Variants in HEG1 observed in about 807,000 individuals in gnomAD.
HEG1 encodes the protein heart development protein with EGF like domains 1, also known as protein HEG homolog 1.
Under a neutral mutation model 125.6 loss-of-function variants are expected in HEG1, and 56 were observed. That is an observed-to-expected ratio of 0.45 (90% confidence interval 0.36 to 0.56). The LOEUF (loss-of-function observed/expected upper bound fraction) is 0.56, where lower values mean the gene tolerates loss of function less well. HEG1 is among the 20% of genes least tolerant of loss of function. The pLI, the probability that HEG1 is intolerant of heterozygous loss-of-function variation, is 0.00. For missense variants in HEG1, 1,523 were observed against 1,670.0 expected (o/e 0.91, Z 1.53); for synonymous variants, 644 against 668.5 (o/e 0.96, Z 0.57).
At chr3:124,992,775 T>C (rs1250107733) in intron 12 of HEG1, among the ~76,000 whole-genome samples, 1 of 152,250 alleles carries the variant, frequency 6.6e-6, no homozygotes, top group Non-Finnish European at 1.5e-5. Flanking sequence ...CACTAGAGTG[T>C]TGTGGAATAC....
Position 125,013,401 on chromosome 3 carries a change from A to G in HEG1, c.2178T>C (p.Ser726=). The part of the protein sequence containing the change: ...PSPLPVSLTT[S]TSAPLSVSQT... ...GTGAGACAGAAAGTGGGGCAGATGTAGATGTCGTTAAGGATACTGGTAAAG... is the reference window on the plus strand; with the variant it reads ...GTGAGACAGAAAGTGGGGCAGATGTGGATGTCGTTAAGGATACTGGTAAAG... Residue 726 remains serine (S), a synonymous_variant, in exon 6 of 17, where the codon TCT becomes TCC. Transcript: ENST00000311127. 6.2e-7 allele frequency: 1 copy of G among 1,614,000 alleles called. No homozygotes were observed.
At chr3:125,010,875 T>C (rs1937148543) in intron 6 of HEG1, among the ~76,000 whole-genome samples, 1 of 152,210 alleles carries the variant, frequency 6.6e-6, no homozygotes, top group Non-Finnish European at 1.5e-5. Context: ...AAGAAAATTC[T>C]ACTTGAATCA....
chr3:124,977,212 C>A (rs6778037), intron 15 of HEG1, among the ~76,000 whole-genome samples: 3 of 152,124 alleles, frequency 2.0e-5, no homozygotes, highest in South Asian at 2.1e-4. Context: ...GCTTCCCCAG[C>A]CACTTGGAAC....
chr3:124,990,242 T>C (rs1417685527), intron 14 of HEG1, among the ~76,000 whole-genome samples: 1 of 152,138 alleles, frequency 6.6e-6, no homozygotes, highest in Non-Finnish European at 1.5e-5. Flanking sequence ...CAGGGGTATT[T>C]AGGAGTGAGT....
chr3:125,027,177 A>C, intron 3 of HEG1, 28 bp downstream of exon 3: 1 of 1,537,266 alleles, frequency 6.5e-7, no homozygotes, highest in Non-Finnish European at 8.8e-7. Context: ...GTGACTTCCG[A>C]GTGTTAAGCT....
At chr3:125,044,764 A>T (rs1937636534) in intron 1 of HEG1, among the ~76,000 whole-genome samples, 1 of 152,240 alleles carries the variant, frequency 6.6e-6, no homozygotes, top group Non-Finnish European at 1.5e-5. Flanking sequence ...AGAAAGGGTA[A>T]CATGTACTGA....
rs1193681231 is a variant in HEG1 at position 125,013,915 on chromosome 3, G to T, written c.1664C>A (p.Thr555Asn). ...QRTSSDHTDH[T>N]YLSSTFTKGE... ...TTTGGTGAAAGTAGATGACAGGTAG[G>T]TGTGGTCTGTGTGGTCGCTGGAAGT... Residue 555 changes from threonine to asparagine, a missense_variant, in exon 6 of 17, where the codon ACC (threonine) becomes AAC (asparagine). By Grantham distance (65) the Thr-to-Asn change is moderately conservative. Coordinates refer to ENST00000311127, the MANE Select transcript of HEG1 (RefSeq NM_020733.2). The T allele has an allele frequency of 6.2e-7, 1 of 1,613,804 alleles. No individual in the cohort carries two copies. Among genetic ancestry groups the T allele is most frequent in the Non-Finnish European group, 8.5e-7 (1 of 1,179,812 alleles).
At chr3:124,984,449 T>A (rs1936707375) in intron 14 of HEG1, among the ~76,000 whole-genome samples, 1 of 151,970 alleles carries the variant, frequency 6.6e-6, no homozygotes, top group Non-Finnish European at 1.5e-5. Context: ...GATCACAAAA[T>A]GACAATAACC....
rs139394673 is a variant in HEG1, at chr3:125,029,262, G to A, written c.543C>T (p.Phe181=). The A allele has an allele frequency of 1.9e-6, 3 of 1,613,676 alleles. No individual in the cohort carries two copies. The East Asian group carries it at 6.7e-5, about 36-fold the overall frequency. Reference sequence around the variant, plus strand: ...GTGAGTACCCAACAGGCAAAATGGTGAAGTTTGTTCTACTTGAAGAGCCGC... The same window carrying A: ...GTGAGTACCCAACAGGCAAAATGGTAAAGTTTGTTCTACTTGAAGAGCCGC... ...GRSGSSSRTN[F]TILPVGYSLE... is the part of the protein sequence containing the mutation. Residue 181 remains phenylalanine, a synonymous_variant, in exon 2 of 17, where the codon TTC becomes TTT. Transcript: ENST00000311127.
In HEG1 at chr3:125,055,595, G is replaced by A. The variant is rs895774702; in HGVS notation, c.296C>T (p.Ala99Val). Reference sequence around the variant, plus strand: ...CTCACCCGCGCTCCCGCCTCTGGGGGCCCGGCCGGAGGGTCCCCGCTGTGT... The same window carrying A: ...CTCACCCGCGCTCCCGCCTCTGGGGACCCGGCCGGAGGGTCCCCGCTGTGT... ...AATQRGPSGRAPRGGSADAAW... is the reference protein window; with the variant it reads ...AATQRGPSGRVPRGGSADAAW... Residue 99 changes from alanine to valine, a missense_variant, in exon 1 of 17, where the codon GCC becomes GTC. Physicochemically the swap from Ala to Val is moderately conservative, Grantham distance 64. Transcript: ENST00000311127. The A allele has an allele frequency of 4.0e-5, 48 of 1,205,782 alleles. No individual in the cohort carries two copies. The highest frequency in any genetic ancestry group is 4.5e-5 in the Non-Finnish European group (44 of 970,938). The allele number at this position is 1,205,782 out of a possible 1,614,324, so 74.7% of individuals were successfully genotyped here. A position where few individuals can be genotyped will look rare whatever the true frequency, so the allele number is the denominator to read the frequency against.
Position 125,013,762 on chromosome 3 carries a change from G to A in HEG1, c.1817C>T (p.Thr606Ile), listed in dbSNP as rs1236279639. The A allele has an allele frequency of 2.5e-6, 4 of 1,613,750 alleles. No homozygotes were observed. The highest frequency in any genetic ancestry group is 3.4e-6 in the Non-Finnish European group (4 of 1,179,758). ...SEYSSFFHAQ[T>I]ERSNISSYDG... ...ATAGGATGAGATGTTACTTCTCTCA[G>A]TCTGAGCATGAAAAAAGGAGGAATA... The change falls in exon 6 of 17, where the codon ACT (threonine) becomes ATT (isoleucine). Residue 606 changes from threonine to isoleucine, a missense_variant. Thr to Ile is a moderately conservative substitution (Grantham distance 89). Coordinates refer to ENST00000311127, the MANE Select transcript of HEG1 (RefSeq NM_020733.2).
intron 6 of HEG1, 101 bp downstream of exon 6, chr3:125,012,522 C>T (rs969070774): frequency 3.3e-6 from 4 of 1,201,766 alleles, no homozygotes; most frequent in African/African-American, 1.5e-5. Context: ...ATTTCAAATG[C>T]CAGCCATTTC....
At chr3:125,007,651 T>A (rs1343740765) in intron 8 of HEG1, among the ~76,000 whole-genome samples, 1 of 152,176 alleles carries the variant, frequency 6.6e-6, no homozygotes, top group Non-Finnish European at 1.5e-5. Context: ...TTCACAATAA[T>A]CTTGAGTGGG....
At chr3:124,986,330 G>A (rs532936485) in intron 14 of HEG1, among the ~76,000 whole-genome samples, 3 of 152,150 alleles carry the variant, frequency 2.0e-5, no homozygotes, top group Non-Finnish European at 4.4e-5. Context: ...CACAGCCCCA[G>A]GAAGGCCCCT....
intron 6 of HEG1, among the ~76,000 whole-genome samples, chr3:125,011,597 G>A (rs180937266): frequency 6.6e-6 from 1 of 152,212 alleles, no homozygotes; most frequent in Non-Finnish European, 1.5e-5. Context: ...ATTTCCCAGA[G>A]GTGCTCAGAT....
chr3:124,978,337 C>T (rs1221792699), intron 14 of HEG1, among the ~76,000 whole-genome samples: 2 of 152,056 alleles, frequency 1.3e-5, no homozygotes, highest in African/African-American at 4.8e-5. Context: ...TTAGTAGAGA[C>T]AGGGTTTCAC....
At position 125,055,371 on chromosome 3, in the gene HEG1, G is replaced by C. The variant is rs917768332; in HGVS notation, c.316+204C>G. On this transcript the variant is annotated intron_variant, in intron 1 of 16. Transcript: ENST00000311127. The stretch of plus-strand genomic sequence containing the variant: ...TTCTTCCAAAGGGTTGGAGGAGAAC[G>C]GGATAGTCACACCCCTCAGTCCAGC... Among the ~76,000 whole-genome samples, 7 of 152,238 alleles carry C rather than the reference G, an allele frequency of 4.6e-5. No individual in the cohort carries two copies. The East Asian group carries it at 9.7e-4, about 21-fold the overall frequency.
In HEG1 at chr3:124,975,985, G is replaced by A. The variant is rs138606127; in HGVS notation, c.3821+1874C>T. On this transcript the variant is annotated intron_variant, in intron 15 of 16. Transcript: ENST00000311127. Reference sequence around the variant, plus strand: ...AAATAATGTTGCTGTGAACATTGACGTGAAGTTTTTGTGTGAGTATACCTT... The same window carrying A: ...AAATAATGTTGCTGTGAACATTGACATGAAGTTTTTGTGTGAGTATACCTT... 9.8e-5 allele frequency among the ~76,000 whole-genome samples: 15 copies of A among 152,288 alleles called. No individual in the cohort carries two copies. In the East Asian group the frequency reaches 2.7e-3, roughly 27 times the overall value.
At chr3:124,989,738 A>G (rs56297801) in intron 14 of HEG1, among the ~76,000 whole-genome samples, 96,705 of 151,956 alleles carry the variant, frequency 0.64, 31,276 homozygotes, top group South Asian at 0.74. Flanking sequence ...TGGTGGGACT[A>G]TGCTGGAAAT....
Sources: gnomAD v4.1 joint callset for allele counts (sites outside exome capture counted in the v4.1 genomes callset) on GRCh38, gnomAD v4.1.1 for gene constraint, MANE v1.5 for transcripts, NCBI Gene and HGNC (gene_info 2026-07-23, HGNC 2026-07-21) for gene names.